Variants in VAV3 observed in about 807,000 individuals in gnomAD.
VAV3 encodes the protein guanine nucleotide exchange factor VAV3.
Under a neutral mutation model 131.2 loss-of-function variants are expected in VAV3, and 94 were observed. That is an observed-to-expected ratio of 0.72 (90% CI 0.61 to 0.85). The LOEUF is 0.85. Among genes scored for constraint, VAV3 ranks in the 40% least tolerant of loss-of-function variants. VAV3 has a pLI of 0.00. For synonymous variants in VAV3, 349 were observed against 342.0 expected, an observed-to-expected ratio of 1.02 and a Z score of -0.22; for missense variants, 939 against 1,002.7, an observed-to-expected ratio of 0.94 and a Z score of 0.86.
chr1:107,956,512 G>A (rs1176233156), intron 1 of VAV3, among the ~76,000 whole-genome samples: 1 of 152,070 alleles, frequency 6.6e-6, no homozygotes, highest in Non-Finnish European at 1.5e-5. Flanking sequence ...CCACAGCAAC[G>A]GTATAGGCAC....
chr1:107,872,632 A>T (rs1670303480), intron 2 of VAV3, among the ~76,000 whole-genome samples: 1 of 152,178 alleles, frequency 6.6e-6, no homozygotes. Context: ...AATGGGAAAA[A>T]TAATAGTATC....
At chr1:107,727,465 A>G (rs1387955340) in intron 15 of VAV3, among the ~76,000 whole-genome samples, 1 of 152,238 alleles carries the variant, frequency 6.6e-6, no homozygotes, top group Non-Finnish European at 1.5e-5. Context: ...TAAATTAATT[A>G]TTAGGCATTT....
chr1:107,733,255 G>C lies in VAV3; in HGVS notation c.1502+15713C>G, dbSNP rs112990500. Among the ~76,000 whole-genome samples, 477 of 152,240 alleles carry C rather than the reference G, an allele frequency of 3.1e-3. 3 individuals are homozygous for C. Among genetic ancestry groups the C allele is most frequent in the African/African-American group, 9.7e-3 (402 of 41,546 alleles). ...TAGGTCACCATCATCAAAGACCAAA[G>C]GTAGATAAAAACCACAAAGATGAGG... On this transcript the variant is annotated intron_variant, in intron 15 of 26. Coordinates refer to ENST00000370056, the MANE Select transcript of VAV3 (RefSeq NM_006113.5).
At chr1:107,596,483 T>C (rs1432740285) in intron 24 of VAV3, 142 bp from the exon 25 acceptor site, 6 of 824,326 alleles carry the variant, frequency 7.3e-6, no homozygotes, top group Non-Finnish European at 1.1e-5. Flanking sequence ...AAGCAAATGA[T>C]AATCTCTCCC....
chr1:107,786,320 A>T (rs934119946), intron 2 of VAV3, among the ~76,000 whole-genome samples: 4 of 146,322 alleles, frequency 2.7e-5, no homozygotes, highest in South Asian at 4.3e-4. Flanking sequence ...AACTTCCTTT[A>T]AAAAAAAAGC....
At chr1:107,937,446 G>A (rs1218868753) in intron 1 of VAV3, among the ~76,000 whole-genome samples, 1 of 152,128 alleles carries the variant, frequency 6.6e-6, no homozygotes, top group Non-Finnish European at 1.5e-5. Flanking sequence ...CCTTCCTGCT[G>A]GACTCCATGG....
chr1:107,911,080 G>A (rs948569576), intron 1 of VAV3, among the ~76,000 whole-genome samples: 1 of 151,904 alleles, frequency 6.6e-6, no homozygotes, highest in Non-Finnish European at 1.5e-5. Flanking sequence ...TTACTCAATT[G>A]CTTATTATCC....
chr1:107,902,745 G>C (rs150330514), intron 1 of VAV3, among the ~76,000 whole-genome samples: 107 of 152,178 alleles, frequency 7.0e-4, no homozygotes, highest in Middle Eastern at 6.8e-3. Context: ...AGGGGAAGGA[G>C]AGCGAAGGCC....
At chr1:107,657,890 T>A (rs1209087959) in intron 19 of VAV3, among the ~76,000 whole-genome samples, 6 of 152,198 alleles carry the variant, frequency 3.9e-5, no homozygotes, top group Non-Finnish European at 8.8e-5. Flanking sequence ...AGTACAGTCA[T>A]GGAAGAGAAA....
intron 2 of VAV3, among the ~76,000 whole-genome samples, chr1:107,831,276 A>ATC (rs1209403598): frequency 6.6e-6 from 1 of 152,222 alleles, no homozygotes; most frequent in Non-Finnish European, 1.5e-5. Flanking sequence ...TATGACATAT[A>ATC]TCTCTATACA....
chr1:107,583,582 T>C (rs1428689037), intron 25 of VAV3, among the ~76,000 whole-genome samples: 2 of 152,170 alleles, frequency 1.3e-5, no homozygotes, highest in Non-Finnish European at 2.9e-5. Context: ...AAAATCAATG[T>C]ACAAAAATCA....
chr1:107,671,514 T>C (rs187063161), intron 19 of VAV3, among the ~76,000 whole-genome samples: 319 of 152,334 alleles, frequency 2.1e-3, no homozygotes, highest in Admixed American at 3.5e-3. Flanking sequence ...TCAAATAAAG[T>C]AGAAGTTGAA....
intron 2 of VAV3, among the ~76,000 whole-genome samples, chr1:107,868,906 T>C (rs1379891455): frequency 1.3e-5 from 2 of 152,150 alleles, no homozygotes; most frequent in East Asian, 1.9e-4. Flanking sequence ...AACCTATAGA[T>C]ATACATTTAG....
intron 25 of VAV3, among the ~76,000 whole-genome samples, chr1:107,577,518 G>A (rs1299997157): frequency 1.3e-5 from 2 of 152,162 alleles, no homozygotes; most frequent in African/African-American, 4.8e-5. Context: ...CTTGCAGTTC[G>A]GTATAGCCAT....
intron 6 of VAV3, 61 bp from the exon 7 acceptor site, chr1:107,768,570 T>C (rs1664864055): frequency 2.2e-6 from 3 of 1,356,540 alleles, no homozygotes; most frequent in Admixed American, 2.0e-5. Context: ...TATATAATAG[T>C]TTTTCATCAA....
At position 107,629,124 on chromosome 1, in the gene VAV3, C is replaced by T. The variant is rs373896211; in HGVS notation, c.1915-11492G>A. Among the ~76,000 whole-genome samples, 225 of 152,246 alleles carry T rather than the reference C, an allele frequency of 1.5e-3. 4 individuals carry two copies. In the South Asian group the frequency reaches 0.044, roughly 30 times the overall value. ...TCTCCCTGTGGAACATTTGGATATT[C>T]GTAAATGACAATGGAGCAAATAAAA... On this transcript the variant is annotated intron_variant, in intron 20 of 26. Transcript: ENST00000370056.
At position 107,790,774 on chromosome 1, in the gene VAV3, G is replaced by A. The variant is rs904085354; in HGVS notation, c.322-11282C>T. On this transcript the variant is annotated intron_variant, in intron 2 of 26. Coordinates refer to ENST00000370056, the MANE Select transcript of VAV3 (RefSeq NM_006113.5). ...ATGATCTTGGCTCACTGCAACCTCCGCCTCCCAGGTTAAAGCGATTCTCCT... is the reference window on the plus strand; with the variant it reads ...ATGATCTTGGCTCACTGCAACCTCCACCTCCCAGGTTAAAGCGATTCTCCT... Among the ~76,000 whole-genome samples, 10 of 126,150 alleles carry A rather than the reference G, an allele frequency of 7.9e-5. No individual in the cohort carries two copies. In the Admixed American group the frequency reaches 9.1e-4, roughly 11 times the overall value. The allele number at this position is 126,150 out of a possible 152,430, so 82.8% of individuals were successfully genotyped here. A position where few individuals can be genotyped will look rare whatever the true frequency, so the allele number is the denominator to read the frequency against.
At chr1:107,672,386 TAAATAA>T (rs1205632820) in intron 19 of VAV3, 3 of 151,962 alleles carry the variant, frequency 2.0e-5, no homozygotes, top group Middle Eastern at 3.4e-3. Context: ...ATCTATTCCT[TAAATAA>T]AAATAAGTTA....
At position 107,765,150 on chromosome 1, in the gene VAV3, T is replaced by G. The variant is rs1557831609; in HGVS notation, c.847A>C (p.Ser283Arg). The G allele has an allele frequency of 6.2e-7, 1 of 1,613,312 alleles. No homozygotes were observed. Among genetic ancestry groups the G allele is most frequent in the Non-Finnish European group, 8.5e-7 (1 of 1,179,530 alleles). The change falls in exon 9 of 27, where the codon AGT becomes CGT. Residue 283 changes from serine (S) to arginine (R), a missense_variant. Transcript: ENST00000370056. ...ERLVIYGQYC[S>R]GVESAISSLD... is the part of the protein sequence containing the mutation. Reference sequence around the variant, plus strand: ...CTAGAGATGGCTGACTCCACTCCACTGCAGTACTGCCCGTAAATAACCAAT... The same window carrying G: ...CTAGAGATGGCTGACTCCACTCCACGGCAGTACTGCCCGTAAATAACCAAT...
Sources: allele counts gnomAD v4.1 joint callset (sites outside exome capture counted in the v4.1 genomes callset), GRCh38; gene constraint gnomAD v4.1.1; transcripts MANE v1.5; gene names NCBI Gene and HGNC (gene_info 2026-07-23, HGNC 2026-07-21).